The following STK32B variants were observed in gnomAD, a reference collection of about 807,000 sequenced individuals.
STK32B encodes the protein serine/threonine kinase 32B.
Under a neutral mutation model 52.6 loss-of-function variants are expected in STK32B, and 43 were observed. The ratio of observed to expected loss-of-function variants is 0.82; its 90% CI spans 0.64 to 1.05. The LOEUF (loss-of-function observed/expected upper bound fraction) is 1.05. Ranked by LOEUF, STK32B falls within the 50% of genes least tolerant of loss-of-function variation. The pLI, the probability that STK32B is intolerant of heterozygous loss-of-function variation, is 0.00. For missense variants in STK32B, 621 were observed against 534.6 expected, an observed-to-expected ratio of 1.16 and a Z score of -1.59; for synonymous variants, 238 against 204.3, an observed-to-expected ratio of 1.17 and a Z score of -1.41.
At chr4:5,032,887 A>T in the STK32B span, among the ~76,000 whole-genome samples, 1 of 152,154 alleles carries the variant, frequency 6.6e-6, no homozygotes, top group African/African-American at 2.4e-5. Flanking sequence ...CAAACCAGAC[A>T]GTTGAACTCT....
At chr4:5,142,461 G>C (rs909091858) in intron 2 of STK32B, among the ~76,000 whole-genome samples, 2 of 152,180 alleles carry the variant, frequency 1.3e-5, no homozygotes, top group Non-Finnish European at 2.9e-5. Context: ...CTTCACTGTA[G>C]GCACATGGAG....
intron 3 of STK32B, among the ~76,000 whole-genome samples, chr4:5,257,590 A>T (rs1012635576): frequency 6.6e-6 from 1 of 152,172 alleles, no homozygotes; most frequent in African/African-American, 2.4e-5. Context: ...ACACGTTTCC[A>T]TCATATCACA....
chr4:5,052,176 C>T (rs570305408), intron 1 of STK32B, among the ~76,000 whole-genome samples: 1 of 152,296 alleles, frequency 6.6e-6, no homozygotes, highest in Non-Finnish European at 1.5e-5. Flanking sequence ...GAGTTGAACC[C>T]GAAACCTGCA....
intron 4 of STK32B, among the ~76,000 whole-genome samples, chr4:5,357,022 T>TATAC (rs1553877451): frequency 2.7e-5 from 4 of 145,486 alleles, no homozygotes; most frequent in African/African-American, 5.3e-5. Flanking sequence ...TATATATATA[T>TATAC]ACACACACAC....
intron 3 of STK32B, among the ~76,000 whole-genome samples, chr4:5,201,466 A>G (rs1167480466): frequency 1.3e-5 from 2 of 152,192 alleles, no homozygotes; most frequent in Non-Finnish European, 2.9e-5. Flanking sequence ...TACTCAGATC[A>G]GTGATTGAGG....
intron 3 of STK32B, among the ~76,000 whole-genome samples, chr4:5,182,327 A>G (rs777619241): frequency 6.6e-6 from 1 of 152,188 alleles, no homozygotes; most frequent in Non-Finnish European, 1.5e-5. Context: ...TTGACCGCCC[A>G]TGAATCACAG....
chr4:5,071,256 A>C (rs1351475111), intron 1 of STK32B, among the ~76,000 whole-genome samples: 1 of 152,186 alleles, frequency 6.6e-6, no homozygotes, highest in African/African-American at 2.4e-5. Flanking sequence ...TTACTCCACA[A>C]GAAAGAGGAG....
rs569073665 is a variant in STK32B at position 5,386,120 on chromosome 4, C to T, written c.435-12087C>T. Among the ~76,000 whole-genome samples, 5 of 151,622 alleles carry T rather than the reference C, an allele frequency of 3.3e-5. No individual in the cohort carries two copies. The highest frequency in any genetic ancestry group is 7.3e-5 in the African/African-American group (3 of 41,220). On this transcript the variant is annotated intron_variant, in intron 4 of 11. Coordinates refer to ENST00000282908, the MANE Select transcript of STK32B (RefSeq NM_018401.3). This position sits in a 1 kb window ranked among gnomAD's most constrained non-coding sequence, Gnocchi z 4.5. Reference sequence around the variant, plus strand: ...CTCCACCCACAGGCCCCACCCACAGCTCTTGGCCCACAGTTCCTGGCCTTT... The same window carrying T: ...CTCCACCCACAGGCCCCACCCACAGTTCTTGGCCCACAGTTCCTGGCCTTT...
intron 11 of STK32B, among the ~76,000 whole-genome samples, chr4:5,495,130 T>C (rs1255747423): frequency 6.6e-6 from 1 of 152,220 alleles, no homozygotes; most frequent in Non-Finnish European, 1.5e-5. Flanking sequence ...CCTGCCTTGC[T>C]AGATTGGGGA....
At chr4:5,127,862 C>T (rs1006440167) in intron 1 of STK32B, among the ~76,000 whole-genome samples, 31 of 152,126 alleles carry the variant, frequency 2.0e-4, no homozygotes, top group African/African-American at 7.5e-4. Flanking sequence ...TTTTTCCCAG[C>T]TGTTCTCGTG....
At chr4:5,360,251 G>A (rs1734459028) in intron 4 of STK32B, among the ~76,000 whole-genome samples, 1 of 152,118 alleles carries the variant, frequency 6.6e-6, no homozygotes, top group South Asian at 2.1e-4. Context: ...GCCACGTTCT[G>A]GGATGACAGA....
chr4:5,231,361 A>G (rs1724255124), intron 3 of STK32B, among the ~76,000 whole-genome samples: 2 of 152,178 alleles, frequency 1.3e-5, no homozygotes, highest in Non-Finnish European at 2.9e-5. Context: ...CTATAATCTC[A>G]TCACTCTGGG....
chr4:5,189,033 CA>C (rs1050780215), intron 3 of STK32B, among the ~76,000 whole-genome samples: 3 of 150,696 alleles, frequency 2.0e-5, no homozygotes, highest in African/African-American at 7.3e-5. Flanking sequence ...AAAAGAAAAA[CA>C]GATGTAAAAG....
chr4:5,316,270 T>TATACA (rs1730711135), intron 3 of STK32B, among the ~76,000 whole-genome samples: 3 of 73,970 alleles, frequency 4.1e-5, no homozygotes, highest in African/African-American at 2.3e-4. Context: ...TTATATAGTA[T>TATACA]ATATAATATA....
chr4:5,458,809 C>T (rs1233161425), intron 8 of STK32B: 2 of 152,214 alleles, frequency 1.3e-5, no homozygotes, highest in Non-Finnish European at 2.9e-5. Flanking sequence ...CCTGCCTAGC[C>T]AGCCAGATTA....
At chr4:5,307,997 C>T (rs868467374) in intron 3 of STK32B, among the ~76,000 whole-genome samples, 33 of 152,240 alleles carry the variant, frequency 2.2e-4, no homozygotes, top group Admixed American at 1.8e-3. Flanking sequence ...GTTTCTCAGC[C>T]GTGGACATGA....
chr4:5,085,667 T>G (rs2108778871), intron 1 of STK32B, among the ~76,000 whole-genome samples: 1 of 152,282 alleles, frequency 6.6e-6, no homozygotes, highest in Middle Eastern at 3.4e-3. Context: ...AAAAAAGCAT[T>G]GATAAAATTG....
At chr4:5,204,903 G>A (rs1439076198) in intron 3 of STK32B, among the ~76,000 whole-genome samples, 1 of 152,144 alleles carries the variant, frequency 6.6e-6, no homozygotes, top group East Asian at 1.9e-4. Flanking sequence ...AACTTGACTG[G>A]TCTACAGATT....
At chr4:5,034,159 G>A in the STK32B span, among the ~76,000 whole-genome samples, 1 of 152,208 alleles carries the variant, frequency 6.6e-6, no homozygotes, top group Admixed American at 6.5e-5. Flanking sequence ...CCTAGCTGGA[G>A]CTTTGGACTC....
Sources: allele counts gnomAD v4.1 joint callset (sites outside exome capture counted in the v4.1 genomes callset), GRCh38; gene constraint gnomAD v4.1.1; non-coding constraint Gnocchi (gnomAD v3.1); transcripts MANE v1.5; gene names NCBI Gene and HGNC (gene_info 2026-07-23, HGNC 2026-07-21).